The following ATP6V1E2 variants were observed in gnomAD, a reference collection of about 807,000 sequenced individuals.
The protein encoded by ATP6V1E2 is V-type proton ATPase subunit E 2.
For missense variants in ATP6V1E2, 308 were observed against 273.3 expected, an observed-to-expected ratio of 1.13 and a Z score of -0.90; for synonymous variants, 121 against 104.2, an observed-to-expected ratio of 1.16 and a Z score of -0.98.
Position 46,511,972 on chromosome 2 carries a change from C to G in ATP6V1E2, c.*59G>C. ...AGGAAACACTACTAGTTTCCTTTCC[C>G]CAAAAAACTTAAACTTTTATGGTTT... On this transcript the variant is annotated 3_prime_UTR_variant, in exon 5 of 5. Coordinates refer to ENST00000522587, the MANE Select transcript of ATP6V1E2 (RefSeq NM_001318063.2). 6.8e-7 allele frequency: 1 copy of G among 1,479,412 alleles called. No homozygotes were observed. 91.6% of individuals were successfully genotyped at this position (1,479,412 alleles called of 1,614,324 possible).
At chr2:46,525,852 A>T (rs574894992) in intron 4 of ATP6V1E2, among the ~76,000 whole-genome samples, 3 of 151,216 alleles carry the variant, frequency 2.0e-5, no homozygotes, top group African/African-American at 7.3e-5. Context: ...CCCAAGAGTC[A>T]TTTGCTTCAA....
At chr2:46,513,208 T>G (rs1352971455) in intron 4 of ATP6V1E2, among the ~76,000 whole-genome samples, 1 of 77,788 alleles carries the variant, frequency 1.3e-5, no homozygotes. Context: ...CAGGATTTAA[T>G]CCAGCCAGGA....
intron 4 of ATP6V1E2, among the ~76,000 whole-genome samples, chr2:46,513,136 A>G (rs1445411366): frequency 6.6e-6 from 1 of 152,218 alleles, no homozygotes; most frequent in African/African-American, 2.4e-5. Context: ...ACATAAATGG[A>G]AAGCATATCC....
intron 4 of ATP6V1E2, among the ~76,000 whole-genome samples, chr2:46,524,866 T>A (rs1483824471): frequency 3.3e-5 from 5 of 151,312 alleles, no homozygotes. Flanking sequence ...GGGGTGTGAA[T>A]GGGAAAGGGT....
At chr2:46,537,563 G>C (rs913640656) in intron 2 of ATP6V1E2, 6 of 151,166 alleles carry the variant, frequency 4.0e-5, no homozygotes, top group Non-Finnish European at 8.8e-5. Context: ...TTGACTCATA[G>C]AGAAGAAGAA....
rs1572714042 is a variant in ATP6V1E2, at chr2:46,530,688, T to C, written c.-102+5125A>G. On this transcript the variant is annotated intron_variant, in intron 4 of 4. Coordinates refer to ENST00000522587, the MANE Select transcript of ATP6V1E2 (RefSeq NM_001318063.2). This position sits in a 1 kb window ranked among gnomAD's most constrained non-coding sequence, Gnocchi z 5.2. Reference sequence around the variant, plus strand: ...GACATAACCAGGACTGGGTAATATATAAAGGAAAGAGGTTTCATTGACTCA... The same window carrying C: ...GACATAACCAGGACTGGGTAATATACAAAGGAAAGAGGTTTCATTGACTCA... Among the ~76,000 whole-genome samples, 2 of 152,342 alleles carry C rather than the reference T, an allele frequency of 1.3e-5. No individual in the cohort carries two copies. The highest frequency in any genetic ancestry group is 6.5e-5 in the Admixed American group (1 of 15,298).
At chr2:46,541,367 A>G (rs749557674) in intron 2 of ATP6V1E2, 23 bp downstream of exon 2, 9 of 152,378 alleles carry the variant, frequency 5.9e-5, no homozygotes, top group South Asian at 2.1e-4. Context: ...GAGAGGCTCA[A>G]TGAGAATCTG....
chr2:46,532,758 G>C (rs188518996), intron 4 of ATP6V1E2, among the ~76,000 whole-genome samples: 18 of 152,300 alleles, frequency 1.2e-4, no homozygotes, highest in East Asian at 9.6e-4. Flanking sequence ...GCCCTCACCA[G>C]ATGCCAAATC....
At chr2:46,528,132 C>T (rs1452092926) in intron 4 of ATP6V1E2, 1 of 152,158 alleles carries the variant, frequency 6.6e-6, no homozygotes, top group Admixed American at 6.5e-5. Context: ...TATATCAAAC[C>T]TTTTGTTATA....
chr2:46,526,267 C>T (rs1168896287), intron 4 of ATP6V1E2, among the ~76,000 whole-genome samples: 1 of 152,060 alleles, frequency 6.6e-6, no homozygotes, highest in African/African-American at 2.4e-5. Flanking sequence ...AGGCGTGCAT[C>T]ACCATGCCTG....
At chr2:46,518,565 T>G (rs1666425702) in intron 4 of ATP6V1E2, among the ~76,000 whole-genome samples, 1 of 149,414 alleles carries the variant, frequency 6.7e-6, no homozygotes, top group Admixed American at 6.7e-5. Flanking sequence ...CCAAGCTTGG[T>G]GGAAAAACCA....
chr2:46,525,374 A>G (rs1666853230), intron 4 of ATP6V1E2, among the ~76,000 whole-genome samples: 1 of 149,868 alleles, frequency 6.7e-6, no homozygotes, highest in Non-Finnish European at 1.5e-5. Context: ...AGGCAGGAGA[A>G]TGGCGTGAAC....
At chr2:46,514,379 T>G (rs1295791497) in intron 4 of ATP6V1E2, among the ~76,000 whole-genome samples, 1 of 152,170 alleles carries the variant, frequency 6.6e-6, no homozygotes, top group African/African-American at 2.4e-5. Context: ...CAGTAAGGTC[T>G]GGGAAGCCAT....
chr2:46,526,778 T>C (rs949862346), intron 4 of ATP6V1E2, among the ~76,000 whole-genome samples: 2 of 152,234 alleles, frequency 1.3e-5, no homozygotes, highest in African/African-American at 2.4e-5. Flanking sequence ...TATTCATCCA[T>C]TCATAGAGAC....
At chr2:46,529,349 C>T (rs965514358) in intron 4 of ATP6V1E2, among the ~76,000 whole-genome samples, 6 of 152,206 alleles carry the variant, frequency 3.9e-5, no homozygotes, top group Non-Finnish European at 7.3e-5. Context: ...CAGTGCTGTC[C>T]CTCACCATGC....
rs755186840 is a variant in ATP6V1E2, at chr2:46,511,980, CTTAAACTT to C, written c.*43_*50del. The C allele has an allele frequency of 7.3e-6, 11 of 1,500,870 alleles. No individual in the cohort carries two copies. Among genetic ancestry groups the C allele is most frequent in the Non-Finnish European group, 9.8e-6 (11 of 1,123,634 alleles). 93.0% of individuals were successfully genotyped at this position (1,500,870 alleles called of 1,614,324 possible). A position where few individuals can be genotyped will look rare whatever the true frequency, so the allele number is the denominator to read the frequency against. On this transcript the variant is annotated 3_prime_UTR_variant, in exon 5 of 5. Transcript: ENST00000522587. ...CTACTAGTTTCCTTTCCCCAAAAAA[CTTAAACTT>C]TTATGGTTTAGTGGTTCAACACTAG...
At chr2:46,513,774 G>C (rs1199619783) in intron 4 of ATP6V1E2, among the ~76,000 whole-genome samples, 1 of 152,052 alleles carries the variant, frequency 6.6e-6, no homozygotes, top group Admixed American at 6.5e-5. Context: ...GCAGTGAGCT[G>C]AGATCGCGCC....
chr2:46,513,405 G>C (rs1193493095), intron 4 of ATP6V1E2, among the ~76,000 whole-genome samples: 1 of 152,184 alleles, frequency 6.6e-6, no homozygotes, highest in Non-Finnish European at 1.5e-5. Flanking sequence ...CTGTTGGGTG[G>C]AATGTTCTGC....
intron 2 of ATP6V1E2, among the ~76,000 whole-genome samples, chr2:46,538,824 C>A (rs771554699): frequency 6.6e-6 from 1 of 152,110 alleles, no homozygotes; most frequent in Non-Finnish European, 1.5e-5. Context: ...AATTCTCAGG[C>A]AAGGCTTGGT....
Sources: allele counts gnomAD v4.1 joint callset (sites outside exome capture counted in the v4.1 genomes callset), GRCh38; gene constraint gnomAD v4.1.1; non-coding constraint Gnocchi (gnomAD v3.1); transcripts MANE v1.5; gene names NCBI Gene and HGNC (gene_info 2026-07-23, HGNC 2026-07-21).